SLC25A13: variants seen among roughly 807,000 people sequenced by gnomAD.
SLC25A13 encodes the protein electrogenic aspartate/glutamate antiporter SLC25A13, mitochondrial.
Under a neutral mutation model 85.5 loss-of-function variants are expected in SLC25A13, and 70 were observed. The ratio of observed to expected loss-of-function variants is 0.82; its 90% CI spans 0.68 to 1.00. SLC25A13 has a LOEUF of 1.00. SLC25A13 is among the 50% of genes least tolerant of loss of function. SLC25A13 has a pLI of 0.00. For missense variants in SLC25A13, 765 were observed against 819.8 expected, an observed-to-expected ratio of 0.93 and a Z score of 0.82; for synonymous variants, 259 against 288.7, an observed-to-expected ratio of 0.90 and a Z score of 1.04.
At chr7:96,295,311 T>G (rs1799305366) in intron 2 of SLC25A13, among the ~76,000 whole-genome samples, 1 of 152,176 alleles carries the variant, frequency 6.6e-6, no homozygotes, top group Non-Finnish European at 1.5e-5. Flanking sequence ...AAAGCGCCAT[T>G]GCACTCCAGC....
intron 1 of SLC25A13, among the ~76,000 whole-genome samples, chr7:96,303,456 A>G (rs981017092): frequency 6.6e-6 from 1 of 152,140 alleles, no homozygotes; most frequent in Non-Finnish European, 1.5e-5. Flanking sequence ...ATAGTGCAGT[A>G]GATGGCCCTG....
At chr7:96,169,761 A>G in intron 13 of SLC25A13, 1 of 451,182 alleles carries the variant, frequency 2.2e-6, no homozygotes, top group Non-Finnish European at 3.9e-6. Context: ...AAGATTTTTC[A>G]AAGGCCAAAC....
At chr7:96,236,333 AG>A (rs1796742183) in intron 3 of SLC25A13, among the ~76,000 whole-genome samples, 1 of 151,790 alleles carries the variant, frequency 6.6e-6, no homozygotes, top group African/African-American at 2.4e-5. Flanking sequence ...GGAGGCAAGA[AG>A]GGGGGCAAAT....
At chr7:96,191,678 T>C (rs1025462515) in intron 6 of SLC25A13, among the ~76,000 whole-genome samples, 1 of 152,208 alleles carries the variant, frequency 6.6e-6, no homozygotes, top group African/African-American at 2.4e-5. Flanking sequence ...GCAAACATAC[T>C]ATGAAAAGTA....
intron 1 of SLC25A13, among the ~76,000 whole-genome samples, chr7:96,317,752 C>A (rs1409091395): frequency 2.0e-5 from 3 of 151,024 alleles, no homozygotes; most frequent in African/African-American, 7.3e-5. Context: ...GAGTCCAATT[C>A]ATTTTATTTA....
chr7:96,123,823 G>T (rs1464879813), intron 15 of SLC25A13, among the ~76,000 whole-genome samples: 1 of 152,232 alleles, frequency 6.6e-6, no homozygotes, highest in Non-Finnish European at 1.5e-5. Context: ...GGCCACCAGA[G>T]AGCTGTTGAT....
intron 2 of SLC25A13, among the ~76,000 whole-genome samples, chr7:96,288,731 C>G (rs1432463675): frequency 1.3e-5 from 2 of 152,152 alleles, no homozygotes; most frequent in African/African-American, 4.8e-5. Flanking sequence ...GAGGGGCGCC[C>G]ACCATTGCTG....
intron 3 of SLC25A13, among the ~76,000 whole-genome samples, chr7:96,275,540 G>C (rs1185519816): frequency 1.3e-5 from 2 of 152,274 alleles, no homozygotes; most frequent in Admixed American, 6.5e-5. Context: ...ATACACCATG[G>C]AATACTATGC....
intron 5 of SLC25A13, among the ~76,000 whole-genome samples, chr7:96,197,357 C>A (rs1309642652): frequency 2.6e-5 from 4 of 152,132 alleles, no homozygotes; most frequent in Non-Finnish European, 4.4e-5. Flanking sequence ...GATTGTTTTA[C>A]CAATAGTAGC....
At chr7:96,196,156 T>C (rs1299580899) in intron 5 of SLC25A13, among the ~76,000 whole-genome samples, 3 of 152,158 alleles carry the variant, frequency 2.0e-5, no homozygotes, top group African/African-American at 7.2e-5. Context: ...TCTATATGAG[T>C]GCTTCCAATT....
chr7:96,168,981 TC>T (rs1793888174), intron 13 of SLC25A13, among the ~76,000 whole-genome samples: 1 of 152,208 alleles, frequency 6.6e-6, no homozygotes, highest in South Asian at 2.1e-4. Flanking sequence ...CATTAAAGGC[TC>T]CTTTTTTTCC....
chr7:96,193,141 C>G lies in SLC25A13; in HGVS notation c.511G>C (p.Asp171His), dbSNP rs767877590. 2 of 1,613,968 alleles carry G rather than the reference C, an allele frequency of 1.2e-6. No individual in the cohort carries two copies. The highest frequency in any genetic ancestry group is 8.5e-7 in the Non-Finnish European group (1 of 1,180,016). The change falls in exon 6 of 18, where the codon GAC (aspartate) becomes CAC (histidine). Residue 171 changes from aspartate (D) to histidine (H), a missense_variant. Coordinates refer to ENST00000265631, the MANE Select transcript of SLC25A13 (RefSeq NM_014251.3). ...EHAKQAFVQR[D>H]NARTGRVTAI... is the part of the protein sequence containing the mutation. ...GTGACTCTCCCAGTCCTAGCATTGT[C>G]CCGTTGCACAAAGGCTTGCTTTGCG... is the stretch of plus-strand genomic sequence containing the variant.
chr7:96,271,589 T>G (rs1463457391), intron 3 of SLC25A13, among the ~76,000 whole-genome samples: 1 of 152,172 alleles, frequency 6.6e-6, no homozygotes, highest in Non-Finnish European at 1.5e-5. Context: ...TGAGCACCTT[T>G]TAGCTACAAA....
chr7:96,185,772 C>T (rs375210958), intron 9 of SLC25A13, among the ~76,000 whole-genome samples: 38 of 151,076 alleles, frequency 2.5e-4, no homozygotes, highest in African/African-American at 7.8e-4. Context: ...TGGTGGCAGG[C>T]GCCTGTAGTC....
chr7:96,260,741 C>T (rs967656877), intron 3 of SLC25A13, among the ~76,000 whole-genome samples: 1 of 152,086 alleles, frequency 6.6e-6, no homozygotes, highest in African/African-American at 2.4e-5. Context: ...CCAAATCCAA[C>T]CACTTCTTAC....
At chr7:96,263,663 G>A (rs1386467971) in intron 3 of SLC25A13, among the ~76,000 whole-genome samples, 7 of 151,996 alleles carry the variant, frequency 4.6e-5, no homozygotes, top group African/African-American at 9.7e-5. Flanking sequence ...CTCTTGGCTC[G>A]ATGACACTCT....
At chr7:96,245,677 A>C (rs1339614372) in intron 3 of SLC25A13, among the ~76,000 whole-genome samples, 2 of 152,222 alleles carry the variant, frequency 1.3e-5, no homozygotes, top group African/African-American at 4.8e-5. Context: ...AGATCTACCA[A>C]AGACTTCTTT....
At chr7:96,123,323 A>G (rs933650085) in intron 15 of SLC25A13, among the ~76,000 whole-genome samples, 8 of 152,184 alleles carry the variant, frequency 5.3e-5, no homozygotes, top group Non-Finnish European at 8.8e-5. Context: ...CTGTGTTCAC[A>G]CCACCGATTT....
chr7:96,180,603 A>C (rs1794384312), intron 11 of SLC25A13, among the ~76,000 whole-genome samples: 3 of 152,248 alleles, frequency 2.0e-5, no homozygotes, highest in South Asian at 4.1e-4. Flanking sequence ...TGCTGGGATT[A>C]CAGGCATAAG....
Sources: gnomAD v4.1 joint callset for allele counts (sites outside exome capture counted in the v4.1 genomes callset) on GRCh38, gnomAD v4.1.1 for gene constraint, MANE v1.5 for transcripts, NCBI Gene and HGNC (gene_info 2026-07-23, HGNC 2026-07-21) for gene names.